Variants in SSC4D observed in about 807,000 individuals in gnomAD.
The protein encoded by SSC4D is scavenger receptor cysteine-rich domain-containing group B protein.
In SSC4D, 57 loss-of-function variants were observed where a neutral mutation model predicts 63.4. That is an observed-to-expected ratio of 0.90 (90% CI 0.73 to 1.12). SSC4D has a LOEUF of 1.12. SSC4D is among the 50% of genes most tolerant of loss of function. SSC4D has a pLI of 0.00. For missense variants in SSC4D, 791 were observed against 806.4 expected, an observed-to-expected ratio of 0.98 and a Z score of 0.23; for synonymous variants, 352 against 345.4, an observed-to-expected ratio of 1.02 and a Z score of -0.21.
Position 76,393,668 on chromosome 7 carries a change from A to G in SSC4D, c.1070T>C (p.Val357Ala). 6.9e-7 allele frequency: 1 copy of G among 1,441,288 alleles called. No homozygotes were observed. The highest frequency in any genetic ancestry group is 9.1e-7 in the Non-Finnish European group (1 of 1,103,834). 89.3% of individuals were successfully genotyped at this position (1,441,288 alleles called of 1,614,324 possible). The change falls in exon 9 of 11, where the codon GTG becomes GCG. Residue 357 changes from valine (V) to alanine (A), a missense_variant. Coordinates refer to ENST00000275560, the MANE Select transcript of SSC4D (RefSeq NM_080744.2). Reference protein sequence around the residue: ...VGGPGPCRGRVEVLHAGGWGT... With the variant: ...VGGPGPCRGRAEVLHAGGWGT... ...CCAGCCCCCGGCGTGCAACACCTCC[A>G]CGCGGCCGCGGCACGGACCCGGGCC...
Position 76,389,734 on chromosome 7 carries a change from G to A in SSC4D, c.*325C>T, listed in dbSNP as rs1158679488. ...CTGGATCTAGGTCAAGGAAGGCAGA[G>A]TCTGGTGCTATAAAAAGAGCCCCAC... On this transcript the variant is annotated 3_prime_UTR_variant, in exon 11 of 11. Coordinates refer to ENST00000275560, the MANE Select transcript of SSC4D (RefSeq NM_080744.2). The A allele has an allele frequency of 3.1e-6, 1 of 321,578 alleles. No individual in the cohort carries two copies. Among genetic ancestry groups the A allele is most frequent in the South Asian group, 4.1e-5 (1 of 24,442 alleles). 19.9% of individuals were successfully genotyped at this position (321,578 alleles called of 1,614,324 possible). A position where few individuals can be genotyped will look rare whatever the true frequency, so the allele number is the denominator to read the frequency against.
chr7:76,389,935 C>T lies in SSC4D; in HGVS notation c.*124G>A. The T allele has an allele frequency of 7.7e-7, 1 of 1,303,932 alleles. No individual in the cohort carries two copies. The highest frequency in any genetic ancestry group is 2.0e-5 in the Admixed American group (1 of 50,516). The allele number at this position is 1,303,932 out of a possible 1,614,324, so 80.8% of individuals were successfully genotyped here. A position where few individuals can be genotyped will look rare whatever the true frequency, so the allele number is the denominator to read the frequency against. On this transcript the variant is annotated 3_prime_UTR_variant, in exon 11 of 11. Coordinates refer to ENST00000275560, the MANE Select transcript of SSC4D (RefSeq NM_080744.2). ...AGCAGGACTGCACTGTCTAGGTAGGCTCTCTCCCAGGCAAGGGAAGGAGGG... is the reference window on the plus strand; with the variant it reads ...AGCAGGACTGCACTGTCTAGGTAGGTTCTCTCCCAGGCAAGGGAAGGAGGG...
intron 6 of SSC4D, 77 bp from the exon 7 acceptor site, chr7:76,395,407 ATAGGAGGGTCTG>A: frequency 6.9e-7 from 1 of 1,456,498 alleles, no homozygotes; most frequent in Non-Finnish European, 9.6e-7. Context: ...TCAGGGGAGG[ATAGGAGGGTCTG>A]CCTGGAGGAG....
intron 1 of SSC4D, among the ~76,000 whole-genome samples, chr7:76,406,827 C>T (rs919609528): frequency 2.6e-5 from 4 of 151,694 alleles, no homozygotes; most frequent in East Asian, 1.9e-4. Context: ...CAAAATGGGC[C>T]GAGCATTGTA....
chr7:76,397,814 A>G lies in SSC4D; in HGVS notation c.572T>C (p.Leu191Pro), dbSNP rs1273219241. ...CTGACACAGGTTCGCGCCCCCTACC[A>G]GGCGTACGCTGCCCTCACCTGGGGA... ...PNGKSEGSVR[L>P]VGGANLCQGR... Residue 191 changes from leucine (L) to proline (P), a missense_variant, in exon 6 of 11, where the codon CTG (leucine) becomes CCG (proline). Physicochemically the swap from Leu to Pro is moderately conservative, Grantham distance 98. Coordinates refer to ENST00000275560, the MANE Select transcript of SSC4D (RefSeq NM_080744.2). The G allele has an allele frequency of 1.1e-5, 17 of 1,588,626 alleles. No individual in the cohort carries two copies. The highest frequency in any genetic ancestry group is 1.4e-5 in the Non-Finnish European group (16 of 1,164,784).
At position 76,404,443 on chromosome 7, in the gene SSC4D, G is replaced by A; in HGVS notation, c.-4C>T. ...GCATCTCTGCTTCCTTGTGCATCTA[G>A]ATGGTGAAGGGTGTTTCAGATGCTC... On this transcript the variant is annotated 5_prime_UTR_variant, in exon 2 of 11. Coordinates refer to ENST00000275560, the MANE Select transcript of SSC4D (RefSeq NM_080744.2). 5 of 1,614,058 alleles carry A rather than the reference G, an allele frequency of 3.1e-6. No homozygotes were observed. The highest frequency in any genetic ancestry group is 4.2e-6 in the Non-Finnish European group (5 of 1,180,014).
chr7:76,402,017 C>A (rs762545414), intron 2 of SSC4D, among the ~76,000 whole-genome samples: 29 of 151,760 alleles, frequency 1.9e-4, no homozygotes, highest in Non-Finnish European at 3.5e-4. Flanking sequence ...CTACTTCATT[C>A]TTCTTCTTCT....
In SSC4D at chr7:76,393,605, G is replaced by C; in HGVS notation, c.1133C>G (p.Ala378Gly). The stretch of plus-strand genomic sequence containing the variant: ...GCCCGCTTCGCGGCAGGCCACGCGC[G>C]CGTCCGCAAAGTCCCAGTCATCGTC... ...VCDDDWDFAD[A>G]RVACREAGCG... The change falls in exon 9 of 11, where the codon GCG (alanine) becomes GGG (glycine). Residue 378 changes from alanine to glycine, a missense_variant. By Grantham distance (60) the Ala-to-Gly change is moderately conservative (BLOSUM62 0). Transcript: ENST00000275560. 15 of 1,504,462 alleles carry C rather than the reference G, an allele frequency of 1.0e-5. No homozygotes were observed. The highest frequency in any genetic ancestry group is 1.3e-5 in the Non-Finnish European group (15 of 1,133,158). The allele number at this position is 1,504,462 out of a possible 1,614,324, so 93.2% of individuals were successfully genotyped here.
At chr7:76,401,880 G>T (rs760026088) in intron 2 of SSC4D, among the ~76,000 whole-genome samples, 1 of 152,186 alleles carries the variant, frequency 6.6e-6, no homozygotes, top group African/African-American at 2.4e-5. Flanking sequence ...TCTCAACTCT[G>T]TGTCCCCAGA....
In SSC4D at chr7:76,394,768, T is replaced by TATATATATATATATATAA. The variant is rs1554621451; in HGVS notation, c.946+484_946+485insTTATATATATATATATAT. 1.7e-4 allele frequency among the ~76,000 whole-genome samples: 21 copies of TATATATATATATATATAA among 122,120 alleles called. 1 individual carries two copies. The highest frequency in any genetic ancestry group is 6.8e-4 in the African/African-American group (20 of 29,586). 80.1% of individuals were successfully genotyped at this position (122,120 alleles called of 152,430 possible). ...TGTATAATATATATATATATATATA[T>TATATATATATATATATAA]AAAATATGTATAATATATATGATAT... On this transcript the variant is annotated intron_variant, in intron 7 of 10. Transcript: ENST00000275560.
Position 76,409,680 on chromosome 7 carries a change from G to C in SSC4D, c.-333C>G, listed in dbSNP as rs1286765708. On this transcript the variant is annotated 5_prime_UTR_variant, in exon 1 of 11. Coordinates refer to ENST00000275560, the MANE Select transcript of SSC4D (RefSeq NM_080744.2). ...GAGTGGAGGTGGCCGGCACCAGCTG[G>C]AGCGGCCCCAGAAAAAGGGCACCCA... The C allele has an allele frequency of 6.6e-6, 1 of 152,536 alleles. No homozygotes were observed. The allele number at this position is 152,536 out of a possible 1,614,324, so 9.4% of individuals were successfully genotyped here.
At chr7:76,395,598 C>G (rs1038278043) in intron 6 of SSC4D, among the ~76,000 whole-genome samples, 3 of 152,226 alleles carry the variant, frequency 2.0e-5, no homozygotes, top group Non-Finnish European at 2.9e-5. Context: ...GTCCCATGTT[C>G]TCATCAGAAG....
intron 10 of SSC4D, 68 bp from the exon 11 acceptor site, chr7:76,390,443 T>A: frequency 1.4e-6 from 2 of 1,459,532 alleles, no homozygotes; most frequent in Non-Finnish European, 9.1e-7. Flanking sequence ...CTAGGTCAGG[T>A]TGGCAGTAAA....
At chr7:76,408,619 G>A (rs1449205801) in intron 1 of SSC4D, among the ~76,000 whole-genome samples, 1 of 152,102 alleles carries the variant, frequency 6.6e-6, no homozygotes, top group African/African-American at 2.4e-5. Context: ...GCGTGAGGGA[G>A]AAGGACCCCC....
chr7:76,390,405 G>T (rs768369466), intron 10 of SSC4D, 30 bp from the exon 11 acceptor site: 12 of 1,546,762 alleles, frequency 7.8e-6, no homozygotes, highest in East Asian at 2.3e-5. Flanking sequence ...GGTTGGAAGG[G>T]GCTGGTCCAT....
Position 76,395,322 on chromosome 7 carries a change from G to T in SSC4D, c.877C>A (p.Pro293Thr), listed in dbSNP as rs61741453. 1.2e-6 allele frequency: 2 copies of T among 1,613,760 alleles called. No homozygotes were observed. Among genetic ancestry groups the T allele is most frequent in the African/African-American group, 2.7e-5 (2 of 74,938 alleles). ...GATGGCAGTGCTGTGAGCGTTGGGG[G>T]ACCCAGGCCTAGGGCAGGAGAGAAG... ...DAGALCAGLG[P>T]PTLTALPSSA... Residue 293 changes from proline (P) to threonine (T), a missense_variant, in exon 7 of 11, where the codon CCC (proline) becomes ACC (threonine). Pro to Thr is a conservative substitution (Grantham distance 38). Coordinates refer to ENST00000275560, the MANE Select transcript of SSC4D (RefSeq NM_080744.2).
chr7:76,398,474 T>G (rs1238710727), intron 5 of SSC4D, among the ~76,000 whole-genome samples: 2 of 152,010 alleles, frequency 1.3e-5, no homozygotes, highest in African/African-American at 2.4e-5. Flanking sequence ...CTGGCTAATT[T>G]TTGTATTTTT....
chr7:76,393,566 A>C lies in SSC4D; in HGVS notation c.1172T>G (p.Leu391Arg). The C allele has an allele frequency of 6.6e-7, 1 of 1,515,000 alleles. No individual in the cohort carries two copies. Among genetic ancestry groups the C allele is most frequent in the South Asian group, 1.2e-5 (1 of 81,534 alleles). 93.8% of individuals were successfully genotyped at this position (1,515,000 alleles called of 1,614,324 possible). A position where few individuals can be genotyped will look rare whatever the true frequency, so the allele number is the denominator to read the frequency against. Residue 391 changes from leucine to arginine, a missense_variant, in exon 9 of 11, where the codon CTG becomes CGG. Transcript: ENST00000275560. ...GAAGTGGCCCAGTCCCGTAGCGCCC[A>C]GCGCAGGCCCGCAGCCCGCTTCGCG... Reference protein sequence around the residue: ...ACREAGCGPALGATGLGHFGY... With the variant: ...ACREAGCGPARGATGLGHFGY...
rs761866520 is a variant in SSC4D at position 76,398,773 on chromosome 7, G to T, written c.500C>A (p.Thr167Lys). 11 of 1,613,100 alleles carry T rather than the reference G, an allele frequency of 6.8e-6. No homozygotes were observed. The highest frequency in any genetic ancestry group is 1.3e-5 in the African/African-American group (1 of 74,902). Residue 167 changes from threonine (T) to lysine (K), a missense_variant, in exon 5 of 11, where the codon ACA becomes AAA. Physicochemically the swap from Thr to Lys is moderately conservative, Grantham distance 78 (BLOSUM62 -1). Coordinates refer to ENST00000275560, the MANE Select transcript of SSC4D (RefSeq NM_080744.2). Reference protein sequence around the residue: ...CDEFLPTQPPTRKMLTSRAPP... With the variant: ...CDEFLPTQPPKRKMLTSRAPP... Reference sequence around the variant, plus strand: ...TGCTCTACTGGTTAACATCTTCCTTGTTGGGGGCTGCGTTGGCAAGAATTC... The same window carrying T: ...TGCTCTACTGGTTAACATCTTCCTTTTTGGGGGCTGCGTTGGCAAGAATTC...
Sources: allele counts gnomAD v4.1 joint callset (sites outside exome capture counted in the v4.1 genomes callset), GRCh38; gene constraint gnomAD v4.1.1; transcripts MANE v1.5; gene names NCBI Gene and HGNC (gene_info 2026-07-23, HGNC 2026-07-21).